Variants in RNF6 observed in about 807,000 individuals in gnomAD.
RNF6 encodes E3 ubiquitin-protein ligase RNF6.
Under a neutral mutation model 50.1 loss-of-function variants are expected in RNF6, and 21 were observed. The ratio of observed to expected loss-of-function variants is 0.42; its 90% CI spans 0.30 to 0.60. The LOEUF (loss-of-function observed/expected upper bound fraction) is 0.60. RNF6 is among the 20% of genes least tolerant of loss of function. RNF6 has a pLI of 0.20. For synonymous variants in RNF6, 255 were observed against 291.8 expected (o/e 0.87, Z 1.29); for missense variants, 698 against 838.2 (o/e 0.83, Z 2.07).
At chr13:26,172,901 A>G (rs1373678174) in intron 5 of RNF6, among the ~76,000 whole-genome samples, 1 of 152,184 alleles carries the variant, frequency 6.6e-6, no homozygotes, top group Non-Finnish European at 1.5e-5. Flanking sequence ...AAGGTTTTCT[A>G]CCCAGACTAT....
intron 5 of RNF6, among the ~76,000 whole-genome samples, chr13:26,147,939 C>T (rs1871335894): frequency 6.6e-6 from 1 of 152,158 alleles, no homozygotes; most frequent in Admixed American, 6.6e-5. Context: ...ATCAGTTTGA[C>T]AAAAATGTTT....
intron 5 of RNF6, among the ~76,000 whole-genome samples, chr13:26,188,920 G>A (rs927335989): frequency 2.0e-5 from 3 of 151,876 alleles, no homozygotes; most frequent in African/African-American, 4.8e-5. Flanking sequence ...GAGCCACTGC[G>A]CCCGGCTCAG....
intron 5 of RNF6, among the ~76,000 whole-genome samples, chr13:26,158,805 T>G (rs1350253048): frequency 6.6e-6 from 1 of 152,140 alleles, no homozygotes; most frequent in Admixed American, 6.5e-5. Flanking sequence ...AATAATTACT[T>G]TTGTGTTTGC....
In RNF6 at chr13:26,219,671, T is replaced by C. The variant is rs1254608836; in HGVS notation, c.-18-4A>G. On this transcript the variant is annotated splice_region_variant and splice_polypyrimidine_tract_variant and intron_variant, in intron 2 of 4. Transcript: ENST00000381588. ...TCATCCTGAGATTCCTGGCTTTCTG[T>C]TCAAACAATATAAACAACATTCAAG... 1 of 1,610,162 alleles carries C rather than the reference T, an allele frequency of 6.2e-7. No homozygotes were observed. The highest frequency in any genetic ancestry group is 1.1e-5 in the South Asian group (1 of 90,844).
At chr13:26,184,792 GC>G (rs1873438042) in intron 5 of RNF6, among the ~76,000 whole-genome samples, 1 of 152,084 alleles carries the variant, frequency 6.6e-6, no homozygotes, top group African/African-American at 2.4e-5. Flanking sequence ...TAGATTGAAT[GC>G]TAAGCATACA....
At chr13:26,212,231 A>G (rs1218076754), downstream of RNF6, among the ~76,000 whole-genome samples, 1 of 152,216 alleles carries the variant, frequency 6.6e-6, no homozygotes, top group African/African-American at 2.4e-5. Context: ...TAACATCTCT[A>G]TAAGGTAAGA....
In RNF6 at chr13:26,140,301, C is replaced by T. The variant is rs1452760083; in HGVS notation, n.769-7850G>A. Among the ~76,000 whole-genome samples the T allele has an allele frequency of 2.6e-5, 4 of 152,180 alleles. No homozygotes were observed. The East Asian group carries it at 7.7e-4, about 29-fold the overall frequency. On this transcript the variant is annotated intron_variant and non_coding_transcript_variant, in intron 5 of 5. Transcript: ENST00000468480. Reference sequence around the variant, plus strand: ...ATGAACGATTCGTGAATTGGATGGCCTCCAGAATCACAGCAGACTCAGAGA... The same window carrying T: ...ATGAACGATTCGTGAATTGGATGGCTTCCAGAATCACAGCAGACTCAGAGA...
At chr13:26,212,435 T>C (rs183052209), downstream of RNF6, among the ~76,000 whole-genome samples, 55 of 152,272 alleles carry the variant, frequency 3.6e-4, no homozygotes, top group Non-Finnish European at 7.2e-4. Context: ...GAATTGAACA[T>C]AGTCACCAGT....
chr13:26,208,115 T>C (rs148973250), downstream of RNF6, among the ~76,000 whole-genome samples: 645 of 152,310 alleles, frequency 4.2e-3, 5 homozygotes, highest in African/African-American at 0.014. Context: ...GAAAAGAATT[T>C]ACATGGTAGG....
At chr13:26,153,048 G>T (rs370744849) in intron 5 of RNF6, among the ~76,000 whole-genome samples, 1 of 151,916 alleles carries the variant, frequency 6.6e-6, no homozygotes, top group East Asian at 1.9e-4. Flanking sequence ...GGCTACTTAC[G>T]AGGCTGAGGC....
At chr13:26,189,576 A>C (rs1343703178) in intron 5 of RNF6, among the ~76,000 whole-genome samples, 1 of 152,234 alleles carries the variant, frequency 6.6e-6, no homozygotes, top group Non-Finnish European at 1.5e-5. Flanking sequence ...ATCTTAAGGA[A>C]ACTCTGCCTG....
intron 4 of RNF6, among the ~76,000 whole-genome samples, chr13:26,217,204 G>A (rs1869974057): frequency 6.6e-6 from 1 of 152,144 alleles, no homozygotes; most frequent in Non-Finnish European, 1.5e-5. Context: ...CATCTATATA[G>A]TACAACTTAC....
chr13:26,211,752 T>A (rs1869336328), downstream of RNF6, among the ~76,000 whole-genome samples: 1 of 152,122 alleles, frequency 6.6e-6, no homozygotes, highest in South Asian at 2.1e-4. Context: ...AGTGAGACTC[T>A]GTCTCAATAA....
intron 5 of RNF6, among the ~76,000 whole-genome samples, chr13:26,187,310 G>C (rs1310450659): frequency 2.0e-5 from 3 of 152,212 alleles, no homozygotes; most frequent in African/African-American, 4.8e-5. Flanking sequence ...GCACAAGAAG[G>C]GGGAAACGTT....
At chr13:26,170,331 A>T (rs1414446887) in intron 5 of RNF6, among the ~76,000 whole-genome samples, 2 of 152,162 alleles carry the variant, frequency 1.3e-5, no homozygotes, top group East Asian at 3.8e-4. Context: ...TAGGTGAAGA[A>T]TTCAAAAGCA....
intron 4 of RNF6, among the ~76,000 whole-genome samples, chr13:26,216,258 C>T (rs1869864660): frequency 6.6e-6 from 1 of 152,088 alleles, no homozygotes; most frequent in Non-Finnish European, 1.5e-5. Context: ...ATAGGGTTAT[C>T]CTGAGGATAA....
chr13:26,196,115 T>C (rs1593180829), intron 5 of RNF6, among the ~76,000 whole-genome samples: 2 of 152,168 alleles, frequency 1.3e-5, no homozygotes, highest in East Asian at 3.9e-4. Flanking sequence ...ACAAACAAAA[T>C]ACATTCAAAT....
At chr13:26,169,419 C>A (rs9507677) in intron 5 of RNF6, among the ~76,000 whole-genome samples, 113,099 of 151,988 alleles carry the variant, frequency 0.74, 42,357 homozygotes, top group East Asian at 0.81. Context: ...CAGAGAGGAG[C>A]TCCCTGACCA....
intron 5 of RNF6, among the ~76,000 whole-genome samples, chr13:26,171,859 T>C (rs890422456): frequency 1.4e-4 from 22 of 152,066 alleles, no homozygotes; most frequent in Non-Finnish European, 3.2e-4. Flanking sequence ...GTCAAATTCA[T>C]AGAGACAGAA....
Sources: gnomAD v4.1 joint callset for allele counts (sites outside exome capture counted in the v4.1 genomes callset) on GRCh38, gnomAD v4.1.1 for gene constraint, MANE v1.5 for transcripts, NCBI Gene and HGNC (gene_info 2026-07-23, HGNC 2026-07-21) for gene names.